The following CFAP20DC variants were observed in gnomAD, a reference collection of about 807,000 sequenced individuals.
CFAP20DC encodes protein CFAP20DC.
In CFAP20DC, 84 loss-of-function variants were observed where a neutral mutation model predicts 101.7. The observed-to-expected ratio is 0.83, with a 90% CI of 0.69 to 0.99. The LOEUF is 0.99. CFAP20DC is among the 50% of genes least tolerant of loss of function. The probability of loss-of-function intolerance (pLI) is 0.00; values close to 1 mark genes in which losing one functional copy is unlikely to be tolerated. For synonymous variants in CFAP20DC, 359 were observed against 351.2 expected (o/e 1.02, Z -0.25); for missense variants, 1,007 against 970.3 (o/e 1.04, Z -0.50).
At chr3:58,870,452 A>G (rs2080074774) in intron 7 of CFAP20DC, 143 bp from the exon 8 acceptor site, 1 of 704,398 alleles carries the variant, frequency 1.4e-6, no homozygotes, top group South Asian at 1.8e-5. Flanking sequence ...AAACACAGAT[A>G]CTAGGGCCCA....
chr3:59,046,688 G>A (rs1699890071), intron 2 of CFAP20DC, among the ~76,000 whole-genome samples: 2 of 152,158 alleles, frequency 1.3e-5, no homozygotes, highest in Admixed American at 1.3e-4. Context: ...AGTTCCCAAT[G>A]AAGTTGAAGA....
chr3:58,777,066 A>C (rs529637842), intron 15 of CFAP20DC, among the ~76,000 whole-genome samples: 1 of 152,142 alleles, frequency 6.6e-6, no homozygotes, highest in African/African-American at 2.4e-5. Flanking sequence ...GATTAAAAAA[A>C]ATATAGCTAC....
At position 58,869,984 on chromosome 3, in the gene CFAP20DC, C is replaced by T. The variant is rs1168823393; in HGVS notation, c.852+189G>A. ...ATGTTGATATGACAAAAAGGAAACA[C>T]TTTTGAAGTCTTTTAAAATCCAGAA... On this transcript the variant is annotated intron_variant, in intron 8 of 16. Transcript: ENST00000482387. This position sits in a 1 kb window ranked among gnomAD's most constrained non-coding sequence, Gnocchi z 4.3. Among the ~76,000 whole-genome samples the T allele has an allele frequency of 6.6e-6, 1 of 152,134 alleles. No individual in the cohort carries two copies. The highest frequency in any genetic ancestry group is 1.5e-5 in the Non-Finnish European group (1 of 68,016).
chr3:58,741,595 C>T (rs113003910), downstream of CFAP20DC, among the ~76,000 whole-genome samples: 2 of 151,032 alleles, frequency 1.3e-5, no homozygotes, highest in Admixed American at 6.6e-5. Flanking sequence ...CTCCTGGGTT[C>T]GCGCCATTCT....
intron 4 of CFAP20DC, among the ~76,000 whole-genome samples, chr3:58,985,721 T>C (rs904612375): frequency 6.6e-6 from 1 of 152,200 alleles, no homozygotes; most frequent in Non-Finnish European, 1.5e-5. Context: ...AACATACCTC[T>C]AACTAAAAGG....
At chr3:58,803,487 G>A (rs2073852292) in intron 15 of CFAP20DC, among the ~76,000 whole-genome samples, 1 of 152,150 alleles carries the variant, frequency 6.6e-6, no homozygotes, top group Non-Finnish European at 1.5e-5. Flanking sequence ...GATACTAATT[G>A]TAAGAAATAC....
At chr3:58,720,645 G>A (rs907853414) in intron 3 of CFAP20DC, among the ~76,000 whole-genome samples, 2 of 152,154 alleles carry the variant, frequency 1.3e-5, no homozygotes, top group African/African-American at 4.8e-5. Context: ...CAATCTTCTT[G>A]GAGGCATTCC....
At position 58,863,065 on chromosome 3, in the gene CFAP20DC, T is replaced by C. The variant is rs902246381; in HGVS notation, c.1593+493A>G. The C allele has an allele frequency of 1.6e-5, 16 of 991,956 alleles. No homozygotes were observed. The highest frequency in any genetic ancestry group is 1.7e-5 in the African/African-American group (1 of 57,526). The allele number at this position is 991,956 out of a possible 1,614,324, so 61.4% of individuals were successfully genotyped here. A position where few individuals can be genotyped will look rare whatever the true frequency, so the allele number is the denominator to read the frequency against. ...AATCCACGACTCATTATCTAAACTT[T>C]AATTGGCACAACTCTTCAAATTCTG... is the stretch of plus-strand genomic sequence containing the variant. On this transcript the variant is annotated intron_variant, in intron 12 of 16. Coordinates refer to ENST00000482387, the MANE Select transcript of CFAP20DC (RefSeq NM_001394063.1). This position sits in a 1 kb window ranked among gnomAD's most constrained non-coding sequence, Gnocchi z 5.9.
chr3:58,917,337 T>C (rs777228459), intron 5 of CFAP20DC, among the ~76,000 whole-genome samples: 8 of 152,138 alleles, frequency 5.3e-5, no homozygotes, highest in Non-Finnish European at 8.8e-5. Flanking sequence ...AATAAATCCT[T>C]GGGAGCATAT....
chr3:58,753,911 G>C (rs776285623), intron 15 of CFAP20DC, 48 bp from the exon 16 acceptor site: 4 of 1,310,432 alleles, frequency 3.1e-6, no homozygotes, highest in Admixed American at 2.1e-5. Context: ...TCCATATATA[G>C]ATTTTAGGTT....
chr3:58,901,693 CACCTAAAACTTGGCTATCCTGAATG>C (rs2083159806), intron 6 of CFAP20DC, among the ~76,000 whole-genome samples: 1 of 152,138 alleles, frequency 6.6e-6, no homozygotes, highest in Non-Finnish European at 1.5e-5. Context: ...ACCTGAGCTA[CACCTAAAACTTGGCTATCCTGAATG>C]AATCATGCCT....
chr3:58,804,160 G>A (rs2073895526), intron 15 of CFAP20DC, among the ~76,000 whole-genome samples: 1 of 152,150 alleles, frequency 6.6e-6, no homozygotes, highest in Non-Finnish European at 1.5e-5. Flanking sequence ...CAGAGAGCAT[G>A]CAACTCAACT....
At chr3:58,969,493 A>G (rs555483727) in intron 4 of CFAP20DC, among the ~76,000 whole-genome samples, 1 of 152,324 alleles carries the variant, frequency 6.6e-6, no homozygotes, top group Admixed American at 6.5e-5. Flanking sequence ...GATTGAAAAC[A>G]TATGTCCACA....
chr3:59,033,744 G>A (rs1251867781), intron 4 of CFAP20DC, among the ~76,000 whole-genome samples: 1 of 152,176 alleles, frequency 6.6e-6, no homozygotes, highest in Non-Finnish European at 1.5e-5. Context: ...TGAAAGTGAT[G>A]GGGAGAATGG....
rs906538565 is a variant in CFAP20DC at position 59,042,106 on chromosome 3, T to C, written c.206-2477A>G. Among the ~76,000 whole-genome samples, 7 of 152,100 alleles carry C rather than the reference T, an allele frequency of 4.6e-5. No homozygotes were observed. The South Asian group carries it at 1.5e-3, about 32-fold the overall frequency. On this transcript the variant is annotated intron_variant, in intron 3 of 16. Transcript: ENST00000482387. ...GAAGCTTTTCTTGAAGGACAAGCAT[T>C]GAAACTCAGCTGGGATGAATACACA...
chr3:58,979,172 G>C (rs191133687), intron 4 of CFAP20DC, among the ~76,000 whole-genome samples: 26 of 152,270 alleles, frequency 1.7e-4, no homozygotes, highest in Admixed American at 3.9e-4. Context: ...AAAGAGGAAG[G>C]ACAGAGTGGA....
At chr3:58,949,860 C>A (rs1291313035) in intron 4 of CFAP20DC, among the ~76,000 whole-genome samples, 1 of 152,132 alleles carries the variant, frequency 6.6e-6, no homozygotes, top group African/African-American at 2.4e-5. Context: ...AAAACTCGCA[C>A]AAGACAGGGA....
intron 15 of CFAP20DC, chr3:58,794,274 G>A (rs2073071370): frequency 6.7e-6 from 3 of 446,430 alleles, no homozygotes; most frequent in Middle Eastern, 3.3e-4. Context: ...GCATTTTCTT[G>A]TCCTGAGCAC....
chr3:58,751,893 G>A (rs1575548429), intron 16 of CFAP20DC, among the ~76,000 whole-genome samples: 1 of 149,454 alleles, frequency 6.7e-6, no homozygotes, highest in African/African-American at 2.6e-5. Flanking sequence ...GGTGGTGTGA[G>A]GGCTAAATGT....
Sources: allele counts gnomAD v4.1 joint callset (sites outside exome capture counted in the v4.1 genomes callset), GRCh38; gene constraint gnomAD v4.1.1; non-coding constraint Gnocchi (gnomAD v3.1); transcripts MANE v1.5; gene names NCBI Gene and HGNC (gene_info 2026-07-23, HGNC 2026-07-21).